SH3KBP1: variants seen among roughly 807,000 people sequenced by gnomAD.
SH3KBP1 encodes SH3 domain containing kinase binding protein 1.
A neutral mutation model predicts 50.1 loss-of-function variants in SH3KBP1; 8 were observed. The observed-to-expected ratio is 0.16, with a 90% CI of 0.09 to 0.29. SH3KBP1 has a LOEUF of 0.29. SH3KBP1 is among the 10% of genes least tolerant of loss of function. The probability of loss-of-function intolerance (pLI) is 1.00; values close to 1 mark genes in which losing one functional copy is unlikely to be tolerated. For synonymous variants in SH3KBP1, 227 were observed against 218.6 expected (o/e 1.04, Z -0.34); for missense variants, 377 against 535.2 (o/e 0.70, Z 2.92).
intron 3 of SH3KBP1, among the ~76,000 whole-genome samples, chrX:19,741,797 T>A (rs1303813900): frequency 8.9e-6 from 1 of 111,870 alleles, no homozygotes; most frequent in African/African-American, 3.3e-5. Flanking sequence ...ATCTGCCCCA[T>A]CACCAAGCAC....
chrX:19,703,606 G>C (rs992425885), intron 4 of SH3KBP1, among the ~76,000 whole-genome samples: 9 of 110,127 alleles, frequency 8.2e-5, no homozygotes, highest in African/African-American at 2.3e-4. Context: ...TAGGACTTTA[G>C]GATTCTCTAC....
intron 9 of SH3KBP1, among the ~76,000 whole-genome samples, chrX:19,599,979 C>T (rs2067029334): frequency 9.5e-6 from 1 of 105,511 alleles, no homozygotes; most frequent in Non-Finnish European, 1.9e-5. Context: ...ACTAAAAATA[C>T]AAAAAATTAG....
intron 2 of SH3KBP1, among the ~76,000 whole-genome samples, chrX:19,770,155 G>T (rs769288302): frequency 4.5e-5 from 5 of 111,752 alleles, no homozygotes. Context: ...CAGGTACCAA[G>T]CCTAGTACTC....
intron 3 of SH3KBP1, among the ~76,000 whole-genome samples, chrX:19,719,222 C>T (rs190070390): frequency 3.1e-4 from 35 of 111,197 alleles, no homozygotes; most frequent in Admixed American, 2.7e-3. Flanking sequence ...TCAACCAATT[C>T]GACTCACTCA....
rs921480346 is a variant in SH3KBP1 at position 19,743,727 on chromosome X, C to T, written c.286+2591G>A. On this transcript the variant is annotated intron_variant, in intron 3 of 17. Transcript: ENST00000397821. ...GCAAAGTGAGGCATGTCACAAGACG[C>T]AAAAACAGCTGGACACAATTGGGCA... 3.6e-5 allele frequency among the ~76,000 whole-genome samples: 4 copies of T among 112,346 alleles called. No homozygotes were observed. The South Asian group carries it at 1.1e-3, about 31-fold the overall frequency.
intron 3 of SH3KBP1, among the ~76,000 whole-genome samples, chrX:19,734,956 T>G (rs2064501678): frequency 8.9e-6 from 1 of 112,306 alleles, no homozygotes; most frequent in African/African-American, 3.2e-5. Context: ...CTATTATGAA[T>G]AATGCTGCTA....
chrX:19,558,527 TATC>T lies in SH3KBP1; in HGVS notation c.1385-8447_1385-8445del, dbSNP rs748464557. On this transcript the variant is annotated intron_variant, in intron 13 of 17. Coordinates refer to ENST00000397821, the MANE Select transcript of SH3KBP1 (RefSeq NM_031892.3). Reference sequence around the variant, plus strand: ...ACCACCACCATCATCCATTTTAAAATATCATAAGATTTTAACAGTTGGAAATTT... The same window carrying T: ...ACCACCACCATCATCCATTTTAAAATATAAGATTTTAACAGTTGGAAATTT... 3.7e-4 allele frequency among the ~76,000 whole-genome samples: 42 copies of T among 112,205 alleles called. No individual in the cohort carries two copies. In the East Asian group the frequency reaches 0.011, roughly 30 times the overall value.
At chrX:19,570,569 C>T (rs1223301467) in intron 12 of SH3KBP1, among the ~76,000 whole-genome samples, 1 of 111,427 alleles carries the variant, frequency 9.0e-6, no homozygotes, top group Admixed American at 9.6e-5. Context: ...TAGCAGGAGA[C>T]CTGTATACCT....
chrX:19,744,126 C>T (rs2064849619), intron 3 of SH3KBP1, among the ~76,000 whole-genome samples: 1 of 111,925 alleles, frequency 8.9e-6, no homozygotes, highest in African/African-American at 3.3e-5. Context: ...AGACAAAGCT[C>T]GATGATGGAA....
intron 13 of SH3KBP1, among the ~76,000 whole-genome samples, chrX:19,564,178 A>C (rs1237836069): frequency 8.9e-6 from 1 of 112,065 alleles, no homozygotes; most frequent in Non-Finnish European, 1.9e-5. Context: ...TTTTTCCTCA[A>C]AATTTGTATG....
At chrX:19,639,385 T>C (rs1019430662) in intron 7 of SH3KBP1, among the ~76,000 whole-genome samples, 9 of 111,532 alleles carry the variant, frequency 8.1e-5, no homozygotes, top group African/African-American at 2.6e-4. Context: ...AAAGCCCTTC[T>C]TGTCTCTACA....
chrX:19,592,344 A>G (rs948549846), intron 10 of SH3KBP1, among the ~76,000 whole-genome samples, 197 bp from the exon 11 acceptor site: 2 of 111,232 alleles, frequency 1.8e-5, no homozygotes, highest in Non-Finnish European at 3.8e-5. Flanking sequence ...CATTAAGTTC[A>G]CCTGCCTATG....
At chrX:19,562,490 T>C (rs2065710619) in intron 13 of SH3KBP1, among the ~76,000 whole-genome samples, 1 of 111,614 alleles carries the variant, frequency 9.0e-6, no homozygotes, top group African/African-American at 3.3e-5. Context: ...ATAAGTCTCT[T>C]TGTTCTATGA....
intron 12 of SH3KBP1, among the ~76,000 whole-genome samples, chrX:19,587,496 T>C (rs768172705): frequency 6.2e-5 from 7 of 112,117 alleles, no homozygotes; most frequent in Non-Finnish European, 1.1e-4. Context: ...TTGTGTGTAT[T>C]TTACCACTAA....
At chrX:19,799,617 A>G (rs1184618777) in intron 2 of SH3KBP1, 34 of 1,202,352 alleles carry the variant, frequency 2.8e-5, no homozygotes, top group Non-Finnish European at 3.4e-5. Flanking sequence ...ATCAAAACAG[A>G]TGTATGGCCT....
chrX:19,629,201 A>G (rs1227146714), intron 8 of SH3KBP1, among the ~76,000 whole-genome samples: 1 of 110,561 alleles, frequency 9.0e-6, no homozygotes, highest in Non-Finnish European at 1.9e-5. Flanking sequence ...CAAGTTAGTG[A>G]GGACACATAA....
rs375944570 is a variant in SH3KBP1, at chrX:19,760,023, C to CCTCT, written c.163-13586_163-13583dup. On this transcript the variant is annotated intron_variant, in intron 2 of 17. Transcript: ENST00000397821. ...AATCAGTCTCGGTCTCTCTCTCTCT[C>CCTCT]CTCTCTCTCTCTCTCTCCCTCTCTC... Among the ~76,000 whole-genome samples the CCTCT allele has an allele frequency of 4.8e-5, 4 of 83,581 alleles. No individual in the cohort carries two copies. The East Asian group carries it at 1.0e-3, about 22-fold the overall frequency. The allele number at this position is 83,581 out of a possible 115,157, so 72.6% of individuals were successfully genotyped here.
intron 3 of SH3KBP1, among the ~76,000 whole-genome samples, chrX:19,714,251 T>C (rs1319897933): frequency 1.8e-5 from 2 of 111,434 alleles, no homozygotes; most frequent in Admixed American, 1.9e-4. Context: ...AAAAACATAG[T>C]TAGAAAGAAT....
intron 5 of SH3KBP1, among the ~76,000 whole-genome samples, chrX:19,687,895 T>C (rs2148609595): frequency 8.9e-6 from 1 of 112,334 alleles, no homozygotes; most frequent in South Asian, 3.7e-4. Context: ...AAAGTCCCCA[T>C]GCAACCAGTA....
Sources: gnomAD v4.1 joint callset for allele counts (sites outside exome capture counted in the v4.1 genomes callset) on GRCh38, gnomAD v4.1.1 for gene constraint, MANE v1.5 for transcripts, NCBI Gene and HGNC (gene_info 2026-07-23, HGNC 2026-07-21) for gene names.